The following RNF213 variants were observed in gnomAD, a reference collection of about 807,000 sequenced individuals.
RNF213 encodes E3 ubiquitin-protein ligase RNF213.
A neutral mutation model predicts 514.4 loss-of-function variants in RNF213; 341 were observed. The observed-to-expected ratio is 0.66, with a 90% CI of 0.61 to 0.73. The LOEUF is 0.73. Among genes scored for constraint, RNF213 ranks in the 30% least tolerant of loss-of-function variants. The pLI, the probability that RNF213 is intolerant of heterozygous loss-of-function variation, is 0.00. For missense variants in RNF213, 5,767 were observed against 6,615.6 expected (o/e 0.87, Z 4.45); for synonymous variants, 2,655 against 2,658.2 (o/e 1.00, Z 0.04).
rs1466641486 is a variant in RNF213, at chr17:80,288,157, G to T, written c.604G>T (p.Gly202Trp). Residue 202 changes from glycine to tryptophan, a missense_variant, in exon 4 of 68, where the codon GGG becomes TGG. Coordinates refer to ENST00000582970, the MANE Select transcript of RNF213 (RefSeq NM_001256071.3). This position sits in a 1 kb window ranked among gnomAD's most constrained non-coding sequence, Gnocchi z 4.9. Reference protein sequence around the residue: ...SSPQFQDHTEGEDQDASIPSG... With the variant: ...SSPQFQDHTEWEDQDASIPSG... Reference sequence around the variant, plus strand: ...CCCGCAATTCCAGGACCACACGGAAGGGGAGGACCAGGACGCTTCCATCCC... The same window carrying T: ...CCCGCAATTCCAGGACCACACGGAATGGGAGGACCAGGACGCTTCCATCCC... 7 of 1,610,882 alleles carry T rather than the reference G, an allele frequency of 4.3e-6. No homozygotes were observed. Among genetic ancestry groups the T allele is most frequent in the African/African-American group, 1.3e-5 (1 of 75,024 alleles).
chr17:80,385,572 A>G lies in RNF213; in HGVS notation c.14490A>G (p.Thr4830=). ...GGCAGCTGCTTCACAACAGGATCAC[A>G]GTCTTTCTGTCCACATGGAACAAAC... ...GLRQLLHNRI[T]VFLSTWNKLR... is the part of the protein sequence containing the mutation. Residue 4830 remains threonine (T), a synonymous_variant, in exon 61 of 68, where the codon ACA becomes ACG. Transcript: ENST00000582970. The G allele has an allele frequency of 6.2e-7, 1 of 1,614,206 alleles. No individual in the cohort carries two copies. Among genetic ancestry groups the G allele is most frequent in the Non-Finnish European group, 8.5e-7 (1 of 1,180,030 alleles).
intron 18 of RNF213, among the ~76,000 whole-genome samples, chr17:80,326,466 C>CT (rs1260102568): frequency 6.6e-6 from 1 of 152,198 alleles, no homozygotes; most frequent in Non-Finnish European, 1.5e-5. Flanking sequence ...ATTGATAACA[C>CT]TGTTATTAAC....
At chr17:80,287,409 G>A (rs2044509867) in intron 3 of RNF213, among the ~76,000 whole-genome samples, 1 of 152,202 alleles carries the variant, frequency 6.6e-6, no homozygotes, top group African/African-American at 2.4e-5. Flanking sequence ...AGGTTGATGG[G>A]GGAGGATCAC....
chr17:80,341,139 A>T (rs1312197208), intron 26 of RNF213: 1 of 151,790 alleles, frequency 6.6e-6, no homozygotes, highest in African/African-American at 2.4e-5. Context: ...GGGTTTCACC[A>T]TGTTGGCCAG....
chr17:80,292,626 C>T (rs867075228), intron 8 of RNF213, among the ~76,000 whole-genome samples: 4 of 151,890 alleles, frequency 2.6e-5, no homozygotes, highest in East Asian at 1.9e-4. Flanking sequence ...TAGACGCGGG[C>T]GCTTCCCTTC....
rs377716382 is a variant in RNF213 at position 80,276,759 on chromosome 17, A to T, written c.261+3355A>T. 5.9e-5 allele frequency among the ~76,000 whole-genome samples: 9 copies of T among 152,300 alleles called. No homozygotes were observed. The South Asian group carries it at 8.3e-4, about 14-fold the overall frequency. On this transcript the variant is annotated intron_variant, in intron 3 of 67. Coordinates refer to ENST00000582970, the MANE Select transcript of RNF213 (RefSeq NM_001256071.3). ...GGCAGTTGATCCAAAAGTTACGCAT[A>T]AAATTATCCTAGGCCGGGCGCGGTG...
In RNF213 at chr17:80,369,499, A is replaced by G. The variant is rs1398721129; in HGVS notation, c.12156-3A>G. On this transcript the variant is annotated splice_region_variant and splice_polypyrimidine_tract_variant and intron_variant, in intron 44 of 67. Transcript: ENST00000582970. ...ACCTGTCTTCTGTTTCTCGTGTTCT[A>G]AGGGAAGCCATTGAAAAGCATGCCC... The G allele has an allele frequency of 6.2e-7, 1 of 1,612,924 alleles. No homozygotes were observed. The highest frequency in any genetic ancestry group is 2.2e-5 in the East Asian group (1 of 44,874).
At chr17:80,318,175 C>T (rs2046010530) in intron 16 of RNF213, among the ~76,000 whole-genome samples, 1 of 152,118 alleles carries the variant, frequency 6.6e-6, no homozygotes, top group Non-Finnish European at 1.5e-5. Flanking sequence ...TTTATAGGCA[C>T]AAGATAGGGG....
At chr17:80,391,691 TTTC>T (rs1370061761) in intron 67 of RNF213, among the ~76,000 whole-genome samples, 1 of 152,070 alleles carries the variant, frequency 6.6e-6, no homozygotes, top group African/African-American at 2.4e-5. Flanking sequence ...CTGACAGAAT[TTTC>T]CTATAAAGGG....
intron 38 of RNF213, 164 bp downstream of exon 38, chr17:80,360,370 AT>A: frequency 1.3e-6 from 1 of 782,550 alleles, no homozygotes; most frequent in Non-Finnish European, 2.1e-6. Flanking sequence ...TCACCGCGTC[AT>A]TTTAAAGTTT....
intron 3 of RNF213, among the ~76,000 whole-genome samples, chr17:80,276,643 T>C (rs1033607383): frequency 4.7e-5 from 7 of 150,220 alleles, no homozygotes; most frequent in Non-Finnish European, 1.0e-4. Context: ...GGAAAGACAA[T>C]AGGAAATGTT....
Position 80,288,512 on chromosome 17 carries a change from C to T in RNF213, c.811-121C>T. 2 of 1,602,500 alleles carry T rather than the reference C, an allele frequency of 1.2e-6. No individual in the cohort carries two copies. Among genetic ancestry groups the T allele is most frequent in the South Asian group, 2.2e-5 (2 of 90,634 alleles). Reference sequence around the variant, plus strand: ...GGTGGGAGTCGGAGGGCTGCCCCTCCACTGGGGATGCCAGCCCACCCTGTC... The same window carrying T: ...GGTGGGAGTCGGAGGGCTGCCCCTCTACTGGGGATGCCAGCCCACCCTGTC... On this transcript the variant is annotated intron_variant, in intron 4 of 67. Transcript: ENST00000582970. The surrounding 1 kb of genome is among the most constrained non-coding windows in gnomAD (Gnocchi z 4.9).
Position 80,345,064 on chromosome 17 carries a change from A to AC in RNF213, c.6730dup (p.Leu2244ProfsTer28). 6.2e-7 allele frequency: 1 copy of AC among 1,614,082 alleles called. No individual in the cohort carries two copies. Among genetic ancestry groups the AC allele is most frequent in the Non-Finnish European group, 8.5e-7 (1 of 1,180,006 alleles). ...GCAATCCGAGTTTTATTGGCGACAC[A>AC]CTGAGGGGCTTCAAGAAGTTCGTGG... On this transcript the variant is annotated frameshift_variant, in exon 29 of 68. Transcript: ENST00000582970. LOFTEE classifies it high-confidence loss of function. The surrounding 1 kb of genome is among the most constrained non-coding windows in gnomAD (Gnocchi z 6.0).
intron 17 of RNF213, chr17:80,319,584 C>T (rs1024733812): frequency 2.7e-5 from 43 of 1,581,044 alleles, no homozygotes; most frequent in African/African-American, 1.3e-4. Context: ...ACAAGTCACA[C>T]GGGCTTGCAG....
At position 80,345,599 on chromosome 17, in the gene RNF213, A is replaced by ACT. The variant is rs2078282901; in HGVS notation, c.7265_7266dup (p.Gly2423LeufsTer25). 2 of 1,613,866 alleles carry ACT rather than the reference A, an allele frequency of 1.2e-6. No individual in the cohort carries two copies. The highest frequency in any genetic ancestry group is 8.5e-7 in the Non-Finnish European group (1 of 1,179,892). ...GATCCCGGTTATCATCATGGGAGAAACTGGCTGTGGGAAAACCAGGCTTAT... is the reference window on the plus strand; with the variant it reads ...GATCCCGGTTATCATCATGGGAGAAACTCTGGCTGTGGGAAAACCAGGCTTAT... On this transcript the variant is annotated frameshift_variant, in exon 29 of 68. Transcript: ENST00000582970. LOFTEE classifies it high-confidence loss of function. The surrounding 1 kb of genome is among the most constrained non-coding windows in gnomAD (Gnocchi z 6.0).
In RNF213 at chr17:80,348,302, C is replaced by T; in HGVS notation, c.9951+16C>T. ...CTTCACAGAGGTGATTGTCTTTCTG[C>T]ACTTGTACCCTATCCCCTGTCACCC... On this transcript the variant is annotated intron_variant, in intron 29 of 67. Transcript: ENST00000582970. 2 of 1,608,340 alleles carry T rather than the reference C, an allele frequency of 1.2e-6. No homozygotes were observed. Among genetic ancestry groups the T allele is most frequent in the Non-Finnish European group, 8.5e-7 (1 of 1,179,984 alleles).
At chr17:80,319,139 T>G in intron 16 of RNF213, 51 bp from the exon 17 acceptor site, 1 of 1,614,030 alleles carries the variant, frequency 6.2e-7, no homozygotes, top group African/African-American at 1.3e-5. Context: ...CATAGAGCAC[T>G]GGAGCGCTGC....
chr17:80,389,038 G>A lies in RNF213; in HGVS notation c.15001-135G>A, dbSNP rs146976815. On this transcript the variant is annotated intron_variant, in intron 64 of 67. Coordinates refer to ENST00000582970, the MANE Select transcript of RNF213 (RefSeq NM_001256071.3). ...TCCAGGAACTGCCTGCACACCGTGC[G>A]CCCAAGTGTCAGCTGTTAGAGAGTT... 4.9e-4 allele frequency: 396 copies of A among 807,468 alleles called. No homozygotes were observed. The African/African-American group carries it at 5.7e-3, about 12-fold the overall frequency. The allele number at this position is 807,468 out of a possible 1,614,324, so 50.0% of individuals were successfully genotyped here. A position where few individuals can be genotyped will look rare whatever the true frequency, so the allele number is the denominator to read the frequency against.
At position 80,397,255 on chromosome 17, in the gene RNF213, TACAGCCATGGGCA is replaced by T. The variant is rs1342838854; in HGVS notation, c.*3759_*3771del. ...TCCTGGCTCTCCCATTTGCCAGTTC[TACAGCCATGGGCA>T]AGTGGCTCGACCTCTCTAAGCTTCA... On this transcript the variant is annotated 3_prime_UTR_variant, in exon 68 of 68. Transcript: ENST00000582970. 6.6e-6 allele frequency: 1 copy of T among 152,244 alleles called. No homozygotes were observed. The highest frequency in any genetic ancestry group is 1.5e-5 in the Non-Finnish European group (1 of 68,066). 9.4% of individuals were successfully genotyped at this position (152,244 alleles called of 1,614,324 possible).
Sources: gnomAD v4.1 joint callset for allele counts (sites outside exome capture counted in the v4.1 genomes callset) on GRCh38, gnomAD v4.1.1 for gene constraint, Gnocchi (gnomAD v3.1) non-coding constraint, MANE v1.5 for transcripts, NCBI Gene and HGNC (gene_info 2026-07-23, HGNC 2026-07-21) for gene names.